PUM2: variants seen among roughly 807,000 people sequenced by gnomAD.
PUM2 encodes pumilio RNA binding family member 2.
A neutral mutation model predicts 124.5 loss-of-function variants in PUM2; 57 were observed. That is an observed-to-expected ratio of 0.46 (90% CI 0.37 to 0.57). The LOEUF is 0.57. Ranked by LOEUF, PUM2 falls within the 20% of genes least tolerant of loss-of-function variation. The pLI is 0.00. For synonymous variants in PUM2, 460 were observed against 446.1 expected (o/e 1.03, Z -0.39); for missense variants, 1,065 against 1,290.6 (o/e 0.83, Z 2.68).
chr2:20,338,693 G>A (rs1219611414), intron 1 of PUM2, among the ~76,000 whole-genome samples: 1 of 152,110 alleles, frequency 6.6e-6, no homozygotes, highest in Non-Finnish European at 1.5e-5. Context: ...CTAGTTATGA[G>A]GGAAGTCAAA....
At chr2:20,262,615 A>G (rs1315162274) in intron 14 of PUM2, among the ~76,000 whole-genome samples, 1 of 152,232 alleles carries the variant, frequency 6.6e-6, no homozygotes, top group Non-Finnish European at 1.5e-5. Flanking sequence ...AATGACTTAA[A>G]AACTTGAGGT....
At position 20,258,602 on chromosome 2, in the gene PUM2, TTTAAAG is replaced by T. The variant is rs1280212948; in HGVS notation, c.2356-237_2356-232del. ...CTTGTTACTAATATGTTAACTACCT[TTTAAAG>T]AAACACTCTTTTAAAGTGAACATCT... On this transcript the variant is annotated intron_variant, in intron 15 of 20. Coordinates refer to ENST00000361078, the MANE Select transcript of PUM2 (RefSeq NM_015317.5). Among the ~76,000 whole-genome samples the T allele has an allele frequency of 4.6e-5, 7 of 152,200 alleles. No homozygotes were observed. The East Asian group carries it at 7.7e-4, about 17-fold the overall frequency.
chr2:20,258,727 G>A (rs1665445828), intron 15 of PUM2, among the ~76,000 whole-genome samples: 1 of 146,054 alleles, frequency 6.8e-6, no homozygotes. Flanking sequence ...GACTGCAGTG[G>A]CACAATCTCG....
chr2:20,258,440 G>A (rs1429855366), intron 15 of PUM2, 69 bp from the exon 16 acceptor site: 5 of 1,495,452 alleles, frequency 3.3e-6, no homozygotes, highest in Admixed American at 1.8e-5. Flanking sequence ...GAGTAAGGCA[G>A]TGTTTGCAGT....
At chr2:20,332,877 G>A (rs1572976734) in intron 1 of PUM2, 1 of 152,046 alleles carries the variant, frequency 6.6e-6, no homozygotes, top group South Asian at 2.1e-4. Flanking sequence ...TACTGCTTGG[G>A]GTATAAATTC....
chr2:20,337,985 T>C (rs1178624861), intron 1 of PUM2, among the ~76,000 whole-genome samples: 1 of 152,176 alleles, frequency 6.6e-6, no homozygotes, highest in Non-Finnish European at 1.5e-5. Context: ...ACAATTTCCC[T>C]ACCCTAATAT....
intron 19 of PUM2, 38 bp downstream of exon 19, chr2:20,254,825 A>T: frequency 1.3e-6 from 2 of 1,595,048 alleles, no homozygotes; most frequent in Non-Finnish European, 1.7e-6. Flanking sequence ...CAATGAGTTG[A>T]AAGAATTGAC....
At chr2:20,274,138 C>G (rs1307146068) in intron 13 of PUM2, among the ~76,000 whole-genome samples, 1 of 152,030 alleles carries the variant, frequency 6.6e-6, no homozygotes, top group Non-Finnish European at 1.5e-5. Context: ...ATTTCTTCAT[C>G]TTTAATCAAC....
Position 20,294,517 on chromosome 2 carries a change from A to C in PUM2, c.1011T>G (p.Gly337=). The C allele has an allele frequency of 6.2e-7, 1 of 1,609,268 alleles. No individual in the cohort carries two copies. Among genetic ancestry groups the C allele is most frequent in the Non-Finnish European group, 8.5e-7 (1 of 1,177,386 alleles). The change falls in exon 9 of 21, where the codon GGT becomes GGG. Residue 337 remains glycine, a splice_region_variant and synonymous_variant. Transcript: ENST00000361078. ...AGLAAAATLA[G]PAVVPPQYYG... ...AATACTGAGGTGGAACCACTGCTGG[A>C]CCTAAACCCCACACCCGACCCCCGA...
intron 13 of PUM2, among the ~76,000 whole-genome samples, chr2:20,275,834 A>G (rs1382143634): frequency 1.3e-5 from 2 of 150,508 alleles, no homozygotes; most frequent in Non-Finnish European, 3.0e-5. Flanking sequence ...ATGGAAAGGG[A>G]AAAAAAAGAT....
Position 20,308,409 on chromosome 2 carries a change from G to T in PUM2, c.694C>A (p.Leu232Met). The change falls in exon 6 of 21, where the codon CTG (leucine) becomes ATG (methionine). Residue 232 changes from leucine to methionine, a missense_variant. By Grantham distance (15) the Leu-to-Met change is conservative. This residue lies in a region of PUM2 where 968 missense variants were observed against 1,159.8 expected (regional missense o/e 0.83). Coordinates refer to ENST00000361078, the MANE Select transcript of PUM2 (RefSeq NM_015317.5). ...GGATAGTCAAACTGTAAGGATTCCA[G>T]ACCAACTTGTTCCATGGCATCCAGA... is the stretch of plus-strand genomic sequence containing the variant. ...QNLDAMEQVG[L>M]ESLQFDYPGN... 6.2e-7 allele frequency: 1 copy of T among 1,614,052 alleles called. No homozygotes were observed. Among genetic ancestry groups the T allele is most frequent in the South Asian group, 1.1e-5 (1 of 91,068 alleles).
chr2:20,329,862 T>C (rs191500548), intron 1 of PUM2, among the ~76,000 whole-genome samples: 1 of 152,242 alleles, frequency 6.6e-6, no homozygotes, highest in African/African-American at 2.4e-5. Flanking sequence ...CCAAAAAGTG[T>C]AACTTACATG....
chr2:20,272,569 T>C (rs1281595219), intron 13 of PUM2, among the ~76,000 whole-genome samples: 1 of 152,246 alleles, frequency 6.6e-6, no homozygotes, highest in Non-Finnish European at 1.5e-5. Flanking sequence ...TTTTAGTTAC[T>C]GTAGCTTTCT....
At chr2:20,254,750 C>CA (rs570987888) in intron 19 of PUM2, 113 bp downstream of exon 19, 8,020 of 972,974 alleles carry the variant, frequency 8.2e-3, no homozygotes, top group South Asian at 0.013. Context: ...TTAATGATAC[C>CA]AAAAAAAAAA....
At chr2:20,345,574 C>CA (rs544744911) in intron 1 of PUM2, among the ~76,000 whole-genome samples, 232 of 148,938 alleles carry the variant, frequency 1.6e-3, no homozygotes, top group South Asian at 0.01. Context: ...CTGCAACGCT[C>CA]AAAAAAAAAA....
chr2:20,308,642 T>C, intron 5 of PUM2, 58 bp from the exon 6 acceptor site: 2 of 1,473,430 alleles, frequency 1.4e-6, no homozygotes. Context: ...AATAGCGAAA[T>C]GGGAAAATAG....
chr2:20,276,600 A>G (rs1670322637), intron 13 of PUM2, among the ~76,000 whole-genome samples: 1 of 152,100 alleles, frequency 6.6e-6, no homozygotes, highest in African/African-American at 2.4e-5. Context: ...ATTCATAAAG[A>G]AATATTTTTC....
At chr2:20,326,666 A>G (rs1341138112) in intron 2 of PUM2, among the ~76,000 whole-genome samples, 2 of 152,250 alleles carry the variant, frequency 1.3e-5, no homozygotes, top group Non-Finnish European at 2.9e-5. Flanking sequence ...TGGTGCTCCA[A>G]AGAAAATCAT....
intron 3 of PUM2, among the ~76,000 whole-genome samples, chr2:20,317,647 T>C (rs766969132): frequency 2.0e-5 from 3 of 152,156 alleles, no homozygotes; most frequent in Non-Finnish European, 4.4e-5. Context: ...GATTATTTCA[T>C]TACTCAGGTA....
Sources: gnomAD v4.1 joint callset for allele counts (sites outside exome capture counted in the v4.1 genomes callset) on GRCh38, gnomAD v4.1.1 for gene constraint, gnomAD v4.1.1 regional missense constraint, MANE v1.5 for transcripts, NCBI Gene and HGNC (gene_info 2026-07-23, HGNC 2026-07-21) for gene names.